The following SUGCT variants were observed in gnomAD, a reference collection of about 807,000 sequenced individuals.
SUGCT encodes the protein succinyl-CoA:glutarate CoA-transferase.
In SUGCT, 41 loss-of-function variants were observed where a neutral mutation model predicts 55.0. That is an observed-to-expected ratio of 0.74 (90% CI 0.58 to 0.97). The LOEUF (loss-of-function observed/expected upper bound fraction) is 0.97. Ranked by LOEUF, SUGCT falls within the 50% of genes least tolerant of loss-of-function variation. SUGCT has a pLI of 0.00. For missense variants in SUGCT, 568 were observed against 547.8 expected, an observed-to-expected ratio of 1.04 and a Z score of -0.37; for synonymous variants, 187 against 200.4, an observed-to-expected ratio of 0.93 and a Z score of 0.56.
At chr7:40,505,952 T>C (rs1030569172) in intron 12 of SUGCT, among the ~76,000 whole-genome samples, 3 of 152,104 alleles carry the variant, frequency 2.0e-5, no homozygotes, top group Non-Finnish European at 4.4e-5. Context: ...TATGTTACAT[T>C]TATATATGTT....
intron 11 of SUGCT, among the ~76,000 whole-genome samples, chr7:40,483,215 T>C (rs1009559140): frequency 2.0e-5 from 3 of 152,124 alleles, no homozygotes; most frequent in Admixed American, 6.6e-5. Context: ...TACAGAGCCT[T>C]GTTGGTTTGA....
At chr7:40,992,420 G>A in the SUGCT span, among the ~76,000 whole-genome samples, 6 of 151,992 alleles carry the variant, frequency 3.9e-5, no homozygotes, top group Admixed American at 6.6e-5. Flanking sequence ...AGGTCTTTAC[G>A]ACCTGTATTT....
At chr7:40,321,951 A>G (rs1345938255) in intron 9 of SUGCT, among the ~76,000 whole-genome samples, 1 of 152,144 alleles carries the variant, frequency 6.6e-6, no homozygotes, top group Non-Finnish European at 1.5e-5. Context: ...GGTATCCAGT[A>G]GTGGGATTGC....
intron 12 of SUGCT, among the ~76,000 whole-genome samples, chr7:40,542,023 C>G (rs1158469032): frequency 1.3e-5 from 2 of 152,084 alleles, no homozygotes; most frequent in Non-Finnish European, 2.9e-5. Context: ...GGAGGAGGGT[C>G]AGGACCAGCA....
intron 9 of SUGCT, among the ~76,000 whole-genome samples, chr7:40,374,068 C>T (rs1398936861): frequency 6.6e-6 from 1 of 152,006 alleles, no homozygotes; most frequent in Non-Finnish European, 1.5e-5. Context: ...TTACATGGCA[C>T]CTTACTTAGA....
chr7:40,916,220 G>T, the SUGCT span, among the ~76,000 whole-genome samples: 1 of 152,098 alleles, frequency 6.6e-6, no homozygotes, highest in Non-Finnish European at 1.5e-5. Flanking sequence ...TTCAGTACCA[G>T]ACCTAATATT....
chr7:40,443,074 A>T lies in SUGCT; in HGVS notation c.817-6213A>T, dbSNP rs186791823. ...AACTCATCCTTTTTTATGGCTGCAT[A>T]GTATTCCATGGTGTATATGGGCCAC... On this transcript the variant is annotated intron_variant, in intron 9 of 13. Coordinates refer to ENST00000335693, the MANE Select transcript of SUGCT (RefSeq NM_001193313.2). 9.8e-5 allele frequency among the ~76,000 whole-genome samples: 15 copies of T among 152,294 alleles called. No homozygotes were observed. The East Asian group carries it at 2.9e-3, about 29-fold the overall frequency.
At chr7:40,168,252 T>C (rs920504034) in intron 1 of SUGCT, among the ~76,000 whole-genome samples, 10 of 152,116 alleles carry the variant, frequency 6.6e-5, no homozygotes, top group Non-Finnish European at 1.0e-4. Context: ...ACCCAAGTGC[T>C]GTAGGGGAGG....
At chr7:40,156,975 A>G (rs1416087261) in intron 1 of SUGCT, among the ~76,000 whole-genome samples, 2 of 145,692 alleles carry the variant, frequency 1.4e-5, no homozygotes, top group South Asian at 2.2e-4. Context: ...AGATGGCACC[A>G]CTGTACTTCA....
At chr7:40,941,939 C>A in the SUGCT span, among the ~76,000 whole-genome samples, 1 of 151,824 alleles carries the variant, frequency 6.6e-6, no homozygotes, top group Non-Finnish European at 1.5e-5. Context: ...ACCCGTTTAC[C>A]TTGAATCTAT....
Position 40,237,665 on chromosome 7 carries a change from G to T in SUGCT, c.515G>T (p.Arg172Leu), listed in dbSNP as rs764946582. 2 of 1,613,726 alleles carry T rather than the reference G, an allele frequency of 1.2e-6. No homozygotes were observed. Among genetic ancestry groups the T allele is most frequent in the African/African-American group, 1.3e-5 (1 of 74,890 alleles). Residue 172 changes from arginine (R) to leucine (L), a missense_variant, in exon 7 of 14, where the codon CGA becomes CTA. Transcript: ENST00000335693. ...GYGQTGPISQ[R>L]AGYDAVASAV... ...GGTCAGACAGGTCCAATTTCTCAGC[G>T]AGCTGGTTATGATGCTGTTGCCTCG...
At chr7:40,915,191 A>C in the SUGCT span, among the ~76,000 whole-genome samples, 1 of 152,080 alleles carries the variant, frequency 6.6e-6, no homozygotes, top group Non-Finnish European at 1.5e-5. Flanking sequence ...GAGTTTTCTT[A>C]CCTCAACTAT....
intron 12 of SUGCT, among the ~76,000 whole-genome samples, chr7:40,591,978 C>CT (rs1393177491): frequency 2.0e-5 from 3 of 151,986 alleles, no homozygotes; most frequent in Non-Finnish European, 2.9e-5. Flanking sequence ...GTGATATTTG[C>CT]TTTTTTTGCA....
intron 13 of SUGCT, among the ~76,000 whole-genome samples, chr7:40,758,677 G>A (rs1188785093): frequency 3.3e-5 from 5 of 152,070 alleles, no homozygotes; most frequent in Non-Finnish European, 7.4e-5. Context: ...ACATCTTCAT[G>A]TTGTCATATC....
chr7:40,684,784 T>G (rs1584270227), intron 12 of SUGCT, among the ~76,000 whole-genome samples: 1 of 152,322 alleles, frequency 6.6e-6, no homozygotes, highest in East Asian at 1.9e-4. Flanking sequence ...ACCATGAGTA[T>G]GTAAATGTTT....
At chr7:40,566,004 C>T (rs1449151466) in intron 12 of SUGCT, among the ~76,000 whole-genome samples, 4 of 149,222 alleles carry the variant, frequency 2.7e-5, no homozygotes, top group Non-Finnish European at 5.9e-5. Flanking sequence ...CACACACACA[C>T]ACACACACAC....
At chr7:40,673,392 CT>C (rs1045435593) in intron 12 of SUGCT, among the ~76,000 whole-genome samples, 2 of 152,222 alleles carry the variant, frequency 1.3e-5, no homozygotes, top group Admixed American at 1.3e-4. Context: ...CTGCTCCTCT[CT>C]TTGCTGCTCT....
At chr7:40,781,544 C>T (rs1236605632) in intron 13 of SUGCT, among the ~76,000 whole-genome samples, 2 of 151,990 alleles carry the variant, frequency 1.3e-5, no homozygotes, top group East Asian at 3.9e-4. Flanking sequence ...AATAATGAAG[C>T]TATATAAGTT....
At chr7:40,463,373 C>T (rs867505120) in intron 11 of SUGCT, among the ~76,000 whole-genome samples, 2 of 152,180 alleles carry the variant, frequency 1.3e-5, no homozygotes, top group African/African-American at 4.8e-5. Flanking sequence ...AAAGTTGGCT[C>T]TTGTAAATAT....
Sources: allele counts gnomAD v4.1 joint callset (sites outside exome capture counted in the v4.1 genomes callset), GRCh38; gene constraint gnomAD v4.1.1; transcripts MANE v1.5; gene names NCBI Gene and HGNC (gene_info 2026-07-23, HGNC 2026-07-21).